The following PLD1 variants were observed in gnomAD, a reference collection of about 807,000 sequenced individuals.
PLD1 encodes the protein choline phosphatase 1.
Under a neutral mutation model 137.1 loss-of-function variants are expected in PLD1, and 112 were observed. The ratio of observed to expected loss-of-function variants is 0.82; its 90% confidence interval spans 0.70 to 0.96. PLD1 has a LOEUF of 0.96. Ranked by LOEUF, PLD1 falls within the 40% of genes least tolerant of loss-of-function variation. The pLI, the probability that PLD1 is intolerant of heterozygous loss-of-function variation, is 0.00. For synonymous variants in PLD1, 431 were observed against 454.7 expected, an observed-to-expected ratio of 0.95 and a Z score of 0.66; for missense variants, 1,321 against 1,342.0, an observed-to-expected ratio of 0.98 and a Z score of 0.24.
Position 171,724,795 on chromosome 3 carries a change from G to A in PLD1, c.666-7C>T. On this transcript the variant is annotated splice_polypyrimidine_tract_variant and splice_region_variant and intron_variant, in intron 7 of 26. Coordinates refer to ENST00000351298, the MANE Select transcript of PLD1 (RefSeq NM_002662.5). Reference sequence around the variant, plus strand: ...TTTCATTATCATACCTTCTCTGAAAGAGACAGAAAATTAACCCATCACCTT... The same window carrying A: ...TTTCATTATCATACCTTCTCTGAAAAAGACAGAAAATTAACCCATCACCTT... 6.3e-7 allele frequency: 1 copy of A among 1,575,754 alleles called. No homozygotes were observed. Among genetic ancestry groups the A allele is most frequent in the Non-Finnish European group, 8.7e-7 (1 of 1,148,622 alleles).
At chr3:171,627,679 T>C (rs1351855528) in intron 23 of PLD1, among the ~76,000 whole-genome samples, 1 of 152,186 alleles carries the variant, frequency 6.6e-6, no homozygotes, top group Non-Finnish European at 1.5e-5. Context: ...CATAGTGCAA[T>C]CAAAGTAGAA....
At chr3:171,783,132 A>G (rs950079019) in intron 1 of PLD1, among the ~76,000 whole-genome samples, 34 of 152,110 alleles carry the variant, frequency 2.2e-4, no homozygotes, top group African/African-American at 8.2e-4. Context: ...GGTTTGAGGA[A>G]AGAAACAAAG....
chr3:171,623,901 A>T (rs930600720), intron 23 of PLD1, among the ~76,000 whole-genome samples: 1 of 152,120 alleles, frequency 6.6e-6, no homozygotes, highest in East Asian at 1.9e-4. Context: ...CAGAGATAAA[A>T]ATGTAAGCAA....
Position 171,612,163 on chromosome 3 carries a change from A to G in PLD1, c.2882+116T>C. 1.2e-6 allele frequency: 1 copy of G among 839,420 alleles called. No homozygotes were observed. Among genetic ancestry groups the G allele is most frequent in the African/African-American group, 1.7e-5 (1 of 59,548 alleles). 52.0% of individuals were successfully genotyped at this position (839,420 alleles called of 1,614,324 possible). A position where few individuals can be genotyped will look rare whatever the true frequency, so the allele number is the denominator to read the frequency against. On this transcript the variant is annotated intron_variant, in intron 25 of 26. Coordinates refer to ENST00000351298, the MANE Select transcript of PLD1 (RefSeq NM_002662.5). The surrounding 1 kb of genome is among the most constrained non-coding windows in gnomAD (Gnocchi z 4.1). ...GTACATATCCTATATTCTGGGACACACTGTTTTAGATGAAGAAGAACCTAG... is the reference window on the plus strand; with the variant it reads ...GTACATATCCTATATTCTGGGACACGCTGTTTTAGATGAAGAAGAACCTAG...
rs763525949 is a variant in PLD1, at chr3:171,603,098, G to A, written c.3205C>T (p.Pro1069Ser). 2 of 1,613,266 alleles carry A rather than the reference G, an allele frequency of 1.2e-6. No individual in the cohort carries two copies. Among genetic ancestry groups the A allele is most frequent in the Non-Finnish European group, 8.5e-7 (1 of 1,179,498 alleles). ...ATCTCTTAAGTCCAAACCTCCATGG[G>A]CACTATGGCCTCTTTGGTCCCAACA... Reference protein sequence around the residue: ...PSVGTKEAIVPMEVWT With the variant: ...PSVGTKEAIVSMEVWT The change falls in exon 27 of 27, where the codon CCC (proline) becomes TCC (serine). Residue 1069 changes from proline to serine, a missense_variant. Physicochemically the swap from Pro to Ser is moderately conservative, Grantham distance 74. Coordinates refer to ENST00000351298, the MANE Select transcript of PLD1 (RefSeq NM_002662.5).
chr3:171,688,658 A>T lies in PLD1; in HGVS notation c.1539+18T>A. On this transcript the variant is annotated intron_variant, in intron 14 of 26. Coordinates refer to ENST00000351298, the MANE Select transcript of PLD1 (RefSeq NM_002662.5). Reference sequence around the variant, plus strand: ...TATGTTCGTGTTATACATTTCCATAAAGGTTAAATATACTTACTGGGAGGG... The same window carrying T: ...TATGTTCGTGTTATACATTTCCATATAGGTTAAATATACTTACTGGGAGGG... 6.4e-7 allele frequency: 1 copy of T among 1,573,110 alleles called. No individual in the cohort carries two copies. The highest frequency in any genetic ancestry group is 8.8e-7 in the Non-Finnish European group (1 of 1,142,616).
chr3:171,687,381 G>A lies in PLD1; in HGVS notation c.1743C>T (p.Asp581=), dbSNP rs1293043113. Residue 581 remains aspartate, a synonymous_variant, in exon 15 of 27, where the codon GAC becomes GAT. Transcript: ENST00000351298. The part of the protein sequence containing the change: ...LHDADSISSI[D]STSSYFNHYR... ...AAGGCCATGACTTACTGGAGGTGCT[G>A]TCAATGCTGCTGATGCTATCTGCGT... is the stretch of plus-strand genomic sequence containing the variant. 3.1e-6 allele frequency: 5 copies of A among 1,613,994 alleles called. No homozygotes were observed. Among genetic ancestry groups the A allele is most frequent in the Admixed American group, 1.7e-5 (1 of 60,032 alleles).
intron 8 of PLD1, 118 bp from the exon 9 acceptor site, chr3:171,714,163 T>A (rs1410367244): frequency 3.3e-6 from 2 of 613,492 alleles, no homozygotes; most frequent in African/African-American, 3.7e-5. Flanking sequence ...TAATTACATT[T>A]TCTACACAGG....
chr3:171,700,256 T>C (rs139468265), intron 11 of PLD1, among the ~76,000 whole-genome samples: 2 of 151,930 alleles, frequency 1.3e-5, no homozygotes, highest in Non-Finnish European at 2.9e-5. Context: ...CAATGAGATA[T>C]ATGAGGAGGT....
intron 1 of PLD1, among the ~76,000 whole-genome samples, chr3:171,801,256 A>T (rs1256326308): frequency 6.6e-6 from 1 of 152,218 alleles, no homozygotes; most frequent in Non-Finnish European, 1.5e-5. Flanking sequence ...CACCATCCTG[A>T]AGAGGGGCTA....
chr3:171,708,710 A>C (rs773694118), intron 11 of PLD1, 45 bp downstream of exon 11: 1 of 989,026 alleles, frequency 1.0e-6, no homozygotes, highest in South Asian at 1.3e-5. Flanking sequence ...TACATTTCTA[A>C]ACATAGAGAC....
At chr3:171,676,569 C>T (rs1713373463) in intron 18 of PLD1, 146 bp downstream of exon 18, 1 of 681,670 alleles carries the variant, frequency 1.5e-6, no homozygotes, top group South Asian at 1.8e-5. Context: ...GCCCAGGCAC[C>T]CGGACATCAA....
chr3:171,663,245 C>A (rs146325345), intron 19 of PLD1, among the ~76,000 whole-genome samples: 1 of 152,206 alleles, frequency 6.6e-6, no homozygotes, highest in Non-Finnish European at 1.5e-5. Flanking sequence ...CCTCGCTCTA[C>A]GCAGACACTC....
rs765752941 is a variant in PLD1 at position 171,612,455 on chromosome 3, T to C, written c.2729-23A>G. Reference sequence around the variant, plus strand: ...AGCCTGTAAGGAGAAACAGTGAGGCTGAACAACCTTCCTGTTGTGGCAGAC... The same window carrying C: ...AGCCTGTAAGGAGAAACAGTGAGGCCGAACAACCTTCCTGTTGTGGCAGAC... On this transcript the variant is annotated intron_variant, in intron 24 of 26. Transcript: ENST00000351298. This position sits in a 1 kb window ranked among gnomAD's most constrained non-coding sequence, Gnocchi z 4.1. The C allele has an allele frequency of 3.1e-5, 50 of 1,611,014 alleles. No individual in the cohort carries two copies. The highest frequency in any genetic ancestry group is 1.7e-4 in the Middle Eastern group (1 of 6,052).
At chr3:171,613,578 G>A (rs1732859367) in intron 24 of PLD1, among the ~76,000 whole-genome samples, 1 of 152,040 alleles carries the variant, frequency 6.6e-6, no homozygotes, top group South Asian at 2.1e-4. Flanking sequence ...CTGCTTTCTT[G>A]CCTCCCTCAC....
chr3:171,762,488 CA>C (rs1721470602), intron 1 of PLD1, among the ~76,000 whole-genome samples: 1 of 152,118 alleles, frequency 6.6e-6, no homozygotes, highest in East Asian at 1.9e-4. Context: ...GCTCACAAGC[CA>C]GGGGAGGACA....
Position 171,735,560 on chromosome 3 carries a change from A to G in PLD1, c.366T>C (p.His122=), listed in dbSNP as rs111759145. Residue 122 remains histidine, a synonymous_variant, in exon 4 of 27, where the codon CAT becomes CAC. Transcript: ENST00000351298. Reference sequence around the variant, plus strand: ...GCAGCTCTCTGTGAAATTCTTGAAAATGCTTGAATTTCCTCTTAACTTGCC... The same window carrying G: ...GCAGCTCTCTGTGAAATTCTTGAAAGTGCTTGAATTTCCTCTTAACTTGCC... The part of the protein sequence containing the change: ...FKWQVKRKFK[H]FQEFHRELLK... 6.2e-7 allele frequency: 1 copy of G among 1,606,246 alleles called. No individual in the cohort carries two copies. The highest frequency in any genetic ancestry group is 8.5e-7 in the Non-Finnish European group (1 of 1,172,778).
At chr3:171,616,014 C>A (rs1204460251) in intron 24 of PLD1, among the ~76,000 whole-genome samples, 1 of 152,212 alleles carries the variant, frequency 6.6e-6, no homozygotes, top group African/African-American at 2.4e-5. Context: ...GATTGCCCAA[C>A]TTTTAACTGT....
intron 8 of PLD1, among the ~76,000 whole-genome samples, chr3:171,716,478 T>G (rs1372957814): frequency 6.6e-6 from 1 of 152,272 alleles, no homozygotes; most frequent in African/African-American, 2.4e-5. Flanking sequence ...GATTTGCATT[T>G]CTCTAATGAT....
Sources: gnomAD v4.1 joint callset for allele counts (sites outside exome capture counted in the v4.1 genomes callset) on GRCh38, gnomAD v4.1.1 for gene constraint, Gnocchi (gnomAD v3.1) non-coding constraint, MANE v1.5 for transcripts, NCBI Gene and HGNC (gene_info 2026-07-23, HGNC 2026-07-21) for gene names.